CCDC73: variants seen among roughly 807,000 people sequenced by gnomAD.
CCDC73 encodes the protein coiled-coil domain containing 73.
A neutral mutation model predicts 116.5 loss-of-function variants in CCDC73; 95 were observed. That is an observed-to-expected ratio of 0.82 (90% CI 0.69 to 0.97). CCDC73 has a LOEUF of 0.97. Among genes scored for constraint, CCDC73 ranks in the 50% least tolerant of loss-of-function variants. CCDC73 has a pLI of 0.00. For synonymous variants in CCDC73, 398 were observed against 401.3 expected (o/e 0.99, Z 0.10); for missense variants, 1,066 against 1,206.8 (o/e 0.88, Z 1.73).
At chr11:32,650,218 C>T (rs1303320905) in intron 12 of CCDC73, among the ~76,000 whole-genome samples, 1 of 152,156 alleles carries the variant, frequency 6.6e-6, no homozygotes, top group Non-Finnish European at 1.5e-5. Context: ...GCTAGATAAG[C>T]TGTCATAGAT....
At chr11:32,709,409 G>C (rs1045612786) in intron 3 of CCDC73, among the ~76,000 whole-genome samples, 2 of 152,084 alleles carry the variant, frequency 1.3e-5, no homozygotes, top group African/African-American at 4.8e-5. Context: ...AGCAATTCCT[G>C]TCTCAGCCTC....
At chr11:32,621,193 A>T (rs1215678361) in intron 14 of CCDC73, among the ~76,000 whole-genome samples, 1 of 152,212 alleles carries the variant, frequency 6.6e-6, no homozygotes, top group African/African-American at 2.4e-5. Context: ...ATATGGAACC[A>T]AAAAAGAGCC....
At chr11:32,633,289 CA>C (rs36037233) in intron 14 of CCDC73, among the ~76,000 whole-genome samples, 24,105 of 152,102 alleles carry the variant, frequency 0.16, 2,036 homozygotes, top group South Asian at 0.27. Flanking sequence ...AGAGAAGATA[CA>C]AATTACAAAT....
intron 14 of CCDC73, among the ~76,000 whole-genome samples, chr11:32,620,433 C>T (rs1411657220): frequency 6.6e-6 from 1 of 151,364 alleles, no homozygotes; most frequent in Non-Finnish European, 1.5e-5. Flanking sequence ...CAAGGTGAAA[C>T]CCCGTTTCTA....
intron 6 of CCDC73, among the ~76,000 whole-genome samples, chr11:32,687,386 G>A (rs1471422835): frequency 6.6e-6 from 1 of 152,170 alleles, no homozygotes; most frequent in East Asian, 1.9e-4. Flanking sequence ...CAGAATCCAA[G>A]CAGGAAAAGG....
chr11:32,697,270 CTAAGAA>C (rs1199495728), intron 6 of CCDC73, among the ~76,000 whole-genome samples: 2 of 151,894 alleles, frequency 1.3e-5, no homozygotes, highest in Non-Finnish European at 2.9e-5. Context: ...CATACATTTT[CTAAGAA>C]TAAGAACTTT....
At chr11:32,707,728 A>AG (rs1210821942) in intron 3 of CCDC73, among the ~76,000 whole-genome samples, 1 of 152,110 alleles carries the variant, frequency 6.6e-6, no homozygotes, top group African/African-American at 2.4e-5. Context: ...ATTAATCTCA[A>AG]GGGGGTAAAT....
chr11:32,728,292 C>A (rs538181203), intron 2 of CCDC73, among the ~76,000 whole-genome samples: 1 of 152,206 alleles, frequency 6.6e-6, no homozygotes, highest in South Asian at 2.1e-4. Flanking sequence ...CCTCTCTCCC[C>A]AATTTATCTA....
chr11:32,629,493 C>T (rs1255882553), intron 14 of CCDC73, among the ~76,000 whole-genome samples: 3 of 151,686 alleles, frequency 2.0e-5, no homozygotes, highest in Admixed American at 6.6e-5. Context: ...CTCCACCTCC[C>T]GGGTTCAAGC....
At chr11:32,604,487 T>G (rs907720880) in intron 17 of CCDC73, 1 of 152,212 alleles carries the variant, frequency 6.6e-6, no homozygotes, top group African/African-American at 2.4e-5. Context: ...TCACCCAAGA[T>G]CCCAACCACC....
At chr11:32,642,991 T>C (rs984789784) in intron 12 of CCDC73, among the ~76,000 whole-genome samples, 3 of 151,596 alleles carry the variant, frequency 2.0e-5, no homozygotes, top group Non-Finnish European at 3.0e-5. Flanking sequence ...AAAATATATA[T>C]ATATTTTTAA....
At chr11:32,700,380 T>G (rs1179170873) in intron 5 of CCDC73, among the ~76,000 whole-genome samples, 2 of 152,244 alleles carry the variant, frequency 1.3e-5, no homozygotes. Context: ...CTGCACCCAG[T>G]TGCAAGTCAT....
intron 17 of CCDC73, chr11:32,604,045 C>A (rs1337579782): frequency 1.3e-5 from 2 of 152,122 alleles, no homozygotes; most frequent in Non-Finnish European, 2.9e-5. Context: ...CCAGCCTGGA[C>A]AACAGAGTGA....
At chr11:32,812,275 T>C in the CCDC73 span, among the ~76,000 whole-genome samples, 1 of 152,180 alleles carries the variant, frequency 6.6e-6, no homozygotes, top group African/African-American at 2.4e-5. Context: ...CGCCTAGCAC[T>C]TTGCAAGGCC....
intron 7 of CCDC73, chr11:32,680,572 G>A (rs1238276445): frequency 1.3e-5 from 2 of 151,984 alleles, no homozygotes; most frequent in Non-Finnish European, 2.9e-5. Flanking sequence ...TTAAAGCCTT[G>A]AAGCATTTAA....
chr11:32,742,238 T>A (rs1332697304), intron 2 of CCDC73, among the ~76,000 whole-genome samples: 2 of 152,332 alleles, frequency 1.3e-5, no homozygotes, highest in African/African-American at 4.8e-5. Context: ...CGCCACACTG[T>A]CTTCCACAAT....
chr11:32,736,965 C>CATAT (rs1213326075), intron 2 of CCDC73, among the ~76,000 whole-genome samples: 2 of 148,710 alleles, frequency 1.3e-5, no homozygotes, highest in African/African-American at 4.9e-5. Flanking sequence ...CACACATATA[C>CATAT]ATATATATAC....
At chr11:32,694,732 C>T (rs16923537) in intron 6 of CCDC73, among the ~76,000 whole-genome samples, 1 of 151,922 alleles carries the variant, frequency 6.6e-6, no homozygotes, top group Admixed American at 6.6e-5. Flanking sequence ...TACTGACAAC[C>T]TTTTAGTAGG....
At position 32,665,768 on chromosome 11, in the gene CCDC73, T is replaced by A. The variant is rs543372693; in HGVS notation, c.645+9797A>T. ...CTTCCTAGCATCAATGGTCTCTACA[T>A]TTTGGCATGTTTTTGCGGTGGCTGG... On this transcript the variant is annotated intron_variant, in intron 9 of 17. Transcript: ENST00000335185. Among the ~76,000 whole-genome samples, 32 of 152,280 alleles carry A rather than the reference T, an allele frequency of 2.1e-4. 1 individual carries two copies. The South Asian group carries it at 6.4e-3, about 31-fold the overall frequency.
Sources: gnomAD v4.1 joint callset for allele counts (sites outside exome capture counted in the v4.1 genomes callset) on GRCh38, gnomAD v4.1.1 for gene constraint, MANE v1.5 for transcripts, NCBI Gene and HGNC (gene_info 2026-07-23, HGNC 2026-07-21) for gene names.